ST8SIA1: variants seen among roughly 807,000 people sequenced by gnomAD.
ST8SIA1 encodes ST8 alpha-N-acetyl-neuraminide alpha-2,8-sialyltransferase 1.
Under a neutral mutation model 35.9 loss-of-function variants are expected in ST8SIA1, and 16 were observed. That is an observed-to-expected ratio of 0.45 (90% CI 0.30 to 0.68). The LOEUF (loss-of-function observed/expected upper bound fraction) is 0.68, where lower values mean the gene tolerates loss of function less well. Ranked by LOEUF, ST8SIA1 falls within the 30% of genes least tolerant of loss-of-function variation. The pLI, the probability that ST8SIA1 is intolerant of heterozygous loss-of-function variation, is 0.09. For missense variants in ST8SIA1, 383 were observed against 453.6 expected (o/e 0.84, Z 1.41); for synonymous variants, 170 against 169.6 (o/e 1.00, Z -0.02).
At chr12:22,228,598 G>C (rs531615100) in intron 4 of ST8SIA1, among the ~76,000 whole-genome samples, 2 of 152,212 alleles carry the variant, frequency 1.3e-5, no homozygotes, top group East Asian at 3.9e-4. Context: ...CCATTGGAGA[G>C]CTAATCCTTG....
At chr12:22,282,334 C>T (rs1441512100) in intron 2 of ST8SIA1, among the ~76,000 whole-genome samples, 2 of 152,172 alleles carry the variant, frequency 1.3e-5, no homozygotes, top group Non-Finnish European at 2.9e-5. Context: ...GCTGTAAGGG[C>T]TGAGCGAGAT....
chr12:22,267,139 G>A (rs1865858748), intron 2 of ST8SIA1, among the ~76,000 whole-genome samples: 1 of 152,172 alleles, frequency 6.6e-6, no homozygotes, highest in Non-Finnish European at 1.5e-5. Flanking sequence ...CAGAAACTGT[G>A]AGCTTCAGTT....
intron 1 of ST8SIA1, among the ~76,000 whole-genome samples, chr12:22,317,390 T>G (rs2135837643): frequency 6.6e-6 from 1 of 152,350 alleles, no homozygotes; most frequent in East Asian, 1.9e-4. Flanking sequence ...CTCACACAGT[T>G]TATGAGAGCC....
intron 4 of ST8SIA1, among the ~76,000 whole-genome samples, chr12:22,219,432 G>C (rs1295974806): frequency 6.6e-6 from 1 of 152,110 alleles, no homozygotes. Flanking sequence ...CAGTGGAAGG[G>C]AGCACCAGCT....
chr12:22,251,415 G>A (rs768737630), intron 3 of ST8SIA1, among the ~76,000 whole-genome samples: 2 of 152,112 alleles, frequency 1.3e-5, no homozygotes, highest in African/African-American at 4.8e-5. Flanking sequence ...AGAGGTGAAT[G>A]CTTAAAACCA....
intron 1 of ST8SIA1, among the ~76,000 whole-genome samples, chr12:22,330,218 T>C (rs1866743640): frequency 1.3e-5 from 2 of 152,182 alleles, no homozygotes; most frequent in South Asian, 4.1e-4. Flanking sequence ...GAAACCCGAT[T>C]TCCCTCCCTT....
intron 1 of ST8SIA1, chr12:22,325,705 C>G: frequency 4.9e-6 from 3 of 614,090 alleles, no homozygotes; most frequent in Non-Finnish European, 8.6e-6. Context: ...CCTATACATA[C>G]ATGCCTATGA....
chr12:22,231,916 T>C (rs1283467948), intron 4 of ST8SIA1, among the ~76,000 whole-genome samples: 2 of 152,190 alleles, frequency 1.3e-5, no homozygotes, highest in Admixed American at 6.5e-5. Flanking sequence ...ATCTCTTACA[T>C]GTGTGTTGAC....
chr12:22,321,011 AAAG>A (rs1486350956), intron 1 of ST8SIA1, among the ~76,000 whole-genome samples: 1,506 of 66,404 alleles, frequency 0.023, 19 homozygotes, highest in Non-Finnish European at 0.03. Context: ...AAGAAGAAAG[AAAG>A]AAAGAAAGAA....
At chr12:22,312,115 G>T (rs1162261742) in intron 1 of ST8SIA1, among the ~76,000 whole-genome samples, 2 of 152,052 alleles carry the variant, frequency 1.3e-5, no homozygotes, top group Non-Finnish European at 2.9e-5. Flanking sequence ...AAGGTAGAGG[G>T]TTAACATTAA....
intron 2 of ST8SIA1, among the ~76,000 whole-genome samples, chr12:22,282,877 A>C (rs1866053723): frequency 6.6e-6 from 1 of 152,204 alleles, no homozygotes; most frequent in African/African-American, 2.4e-5. Context: ...AAAAACTACC[A>C]AATTCTGTAG....
chr12:22,218,243 G>A (rs188866407), intron 4 of ST8SIA1, among the ~76,000 whole-genome samples: 10 of 152,186 alleles, frequency 6.6e-5, no homozygotes, highest in Admixed American at 3.3e-4. Flanking sequence ...AGAATTGCTT[G>A]AACCTGGGAG....
intron 2 of ST8SIA1, among the ~76,000 whole-genome samples, chr12:22,275,950 G>A (rs918067405): frequency 5.9e-5 from 9 of 152,230 alleles, no homozygotes; most frequent in Non-Finnish European, 8.8e-5. Flanking sequence ...TCTGTAGCTG[G>A]GGTGAGGTGC....
intron 1 of ST8SIA1, among the ~76,000 whole-genome samples, 195 bp from the exon 2 acceptor site, chr12:22,287,488 CA>C (rs60549878): frequency 0.082 from 10,308 of 126,200 alleles, 430 homozygotes; most frequent in East Asian, 0.17. Flanking sequence ...TATTTCACAG[CA>C]AAAAAAAAAA....
chr12:22,304,627 T>C (rs1269374896), intron 1 of ST8SIA1, among the ~76,000 whole-genome samples: 2 of 152,236 alleles, frequency 1.3e-5, no homozygotes, highest in Non-Finnish European at 2.9e-5. Context: ...AAAATAATTA[T>C]TGCAACAGAG....
At chr12:22,303,835 C>G (rs369367028) in intron 1 of ST8SIA1, among the ~76,000 whole-genome samples, 2 of 141,856 alleles carry the variant, frequency 1.4e-5, no homozygotes, top group Non-Finnish European at 3.1e-5. Context: ...GCCACCACCA[C>G]CACCACCCTG....
intron 1 of ST8SIA1, among the ~76,000 whole-genome samples, chr12:22,315,299 C>T (rs1421531015): frequency 6.6e-6 from 1 of 152,088 alleles, no homozygotes; most frequent in Non-Finnish European, 1.5e-5. Context: ...CTTATTCATC[C>T]CCATCCCAAC....
rs1417186108 is a variant in ST8SIA1 at position 22,258,054 on chromosome 12, T to C, written c.382-2665A>G. On this transcript the variant is annotated intron_variant, in intron 2 of 4. Transcript: ENST00000396037. ...TTCTCACTACCCCTATCACCATCAC[T>C]GGGGTAGTGAGAAGTAGCCAGAAGC... Among the ~76,000 whole-genome samples the C allele has an allele frequency of 2.6e-5, 4 of 151,594 alleles. No homozygotes were observed. The East Asian group carries it at 7.9e-4, about 30-fold the overall frequency.
intron 1 of ST8SIA1, among the ~76,000 whole-genome samples, chr12:22,329,784 C>T (rs1866735382): frequency 6.6e-6 from 1 of 152,142 alleles, no homozygotes; most frequent in Non-Finnish European, 1.5e-5. Flanking sequence ...AAAGAAAGGA[C>T]TTGACTGCTT....
Sources: gnomAD v4.1 joint callset for allele counts (sites outside exome capture counted in the v4.1 genomes callset) on GRCh38, gnomAD v4.1.1 for gene constraint, MANE v1.5 for transcripts, NCBI Gene and HGNC (gene_info 2026-07-23, HGNC 2026-07-21) for gene names.